IL19: variants seen among roughly 807,000 people sequenced by gnomAD.
IL19 encodes the protein interleukin 19.
Under a neutral mutation model 19.5 loss-of-function variants are expected in IL19, and 15 were observed. The observed-to-expected ratio is 0.77, with a 90% confidence interval of 0.52 to 1.19. IL19 has a LOEUF of 1.19. Ranked by LOEUF, IL19 falls within the 50% of genes most tolerant of loss-of-function variation. The pLI is 0.00. For synonymous variants in IL19, 78 were observed against 78.3 expected (o/e 1.00, Z 0.02); for missense variants, 199 against 213.1 (o/e 0.93, Z 0.41).
chr1:206,814,690 TCACACACACA>T (rs34474731), intron 2 of IL19, among the ~76,000 whole-genome samples: 15 of 140,568 alleles, frequency 1.1e-4, no homozygotes, highest in African/African-American at 2.7e-4. Context: ...TGAAACTCTG[TCACACACACA>T]CACACACACA....
At chr1:206,840,395 T>G (rs757105737) in intron 5 of IL19, 7 of 320,160 alleles carry the variant, frequency 2.2e-5, no homozygotes, top group Non-Finnish European at 3.6e-5. Context: ...AAAGGTTACT[T>G]AGAAATTCAT....
intron 1 of IL19, among the ~76,000 whole-genome samples, chr1:206,795,880 T>G (rs1675509099): frequency 1.3e-5 from 2 of 152,060 alleles, no homozygotes; most frequent in African/African-American, 4.8e-5. Flanking sequence ...TCAGTTCATT[T>G]TTGTATGAGG....
At chr1:206,793,642 G>A (rs1572551114) in intron 1 of IL19, among the ~76,000 whole-genome samples, 1 of 152,198 alleles carries the variant, frequency 6.6e-6, no homozygotes, top group African/African-American at 2.4e-5. Context: ...AGTCCAGAAA[G>A]GTTGGGCCTT....
chr1:206,815,681 C>T (rs1676137364), intron 2 of IL19, among the ~76,000 whole-genome samples: 1 of 151,986 alleles, frequency 6.6e-6, no homozygotes, highest in South Asian at 2.1e-4. Context: ...GAAAATGACA[C>T]CAAGCAAGTC....
intron 5 of IL19, chr1:206,840,362 G>C (rs1676967492): frequency 2.7e-6 from 1 of 376,294 alleles, no homozygotes; most frequent in Non-Finnish European, 5.1e-6. Context: ...CCTCTGGGTA[G>C]TTCCTTGGTA....
chr1:206,784,105 A>C (rs1675209509), intron 1 of IL19, among the ~76,000 whole-genome samples: 1 of 152,212 alleles, frequency 6.6e-6, no homozygotes, highest in Non-Finnish European at 1.5e-5. Context: ...TCAGTCTCAT[A>C]GTAGAAAGAC....
chr1:206,809,490 T>A (rs1675944117), intron 2 of IL19, among the ~76,000 whole-genome samples: 1 of 152,198 alleles, frequency 6.6e-6, no homozygotes. Flanking sequence ...AATATTTCTC[T>A]GCCCAGCCCA....
chr1:206,824,645 A>G (rs1676385280), intron 2 of IL19, among the ~76,000 whole-genome samples: 5 of 152,338 alleles, frequency 3.3e-5, no homozygotes, highest in Non-Finnish European at 2.9e-5. Context: ...TAGTAAGAGT[A>G]GGGGAGGAAT....
chr1:206,794,444 G>A (rs1219417806), intron 1 of IL19, among the ~76,000 whole-genome samples: 2 of 151,992 alleles, frequency 1.3e-5, no homozygotes, highest in Non-Finnish European at 2.9e-5. Context: ...ATGACCCCGT[G>A]TCCCTCCTTT....
chr1:206,837,146 C>A, intron 4 of IL19, 123 bp downstream of exon 4: 3 of 760,848 alleles, frequency 3.9e-6, no homozygotes, highest in Non-Finnish European at 4.3e-6. Flanking sequence ...TCTAAATGCA[C>A]CAGGCTTCTT....
intron 2 of IL19, among the ~76,000 whole-genome samples, chr1:206,827,937 A>G (rs1676483330): frequency 1.3e-5 from 2 of 152,226 alleles, no homozygotes; most frequent in African/African-American, 4.8e-5. Context: ...GGACACAAAA[A>G]TAGTATTGAC....
intron 2 of IL19, among the ~76,000 whole-genome samples, chr1:206,829,622 C>A (rs778107772): frequency 6.6e-6 from 1 of 151,974 alleles, no homozygotes; most frequent in Admixed American, 6.5e-5. Flanking sequence ...GGCCCCAGGG[C>A]GTTATGCTGG....
intron 1 of IL19, among the ~76,000 whole-genome samples, chr1:206,789,180 A>C (rs1572549045): frequency 6.6e-6 from 1 of 152,312 alleles, no homozygotes; most frequent in East Asian, 1.9e-4. Flanking sequence ...CATTCCATGA[A>C]GGTTGCTCTG....
At chr1:206,813,223 T>C (rs1676063619) in intron 2 of IL19, among the ~76,000 whole-genome samples, 1 of 152,226 alleles carries the variant, frequency 6.6e-6, no homozygotes, top group Non-Finnish European at 1.5e-5. Context: ...CATTGCCAGT[T>C]GGCTCTGCCA....
intron 1 of IL19, among the ~76,000 whole-genome samples, chr1:206,798,096 G>C (rs1275510760): frequency 2.0e-5 from 3 of 152,180 alleles, no homozygotes; most frequent in African/African-American, 4.8e-5. Flanking sequence ...TGTAGGTCAT[G>C]GGGACAGATG....
intron 1 of IL19, among the ~76,000 whole-genome samples, chr1:206,779,346 A>T (rs1363256857): frequency 1.3e-5 from 2 of 152,112 alleles, no homozygotes; most frequent in African/African-American, 4.8e-5. Flanking sequence ...TTGTTTGATC[A>T]CCAATAAATA....
At chr1:206,842,384 T>G (rs1001585935) in intron 6 of IL19, 143 bp from the exon 7 acceptor site, 2 of 552,096 alleles carry the variant, frequency 3.6e-6, no homozygotes, top group Non-Finnish European at 3.2e-6. Flanking sequence ...TAATATTGAG[T>G]CTGTATGTTA....
chr1:206,841,456 C>A (rs1007372472), intron 6 of IL19, among the ~76,000 whole-genome samples: 20 of 152,192 alleles, frequency 1.3e-4, no homozygotes, highest in African/African-American at 3.9e-4. Context: ...TACCTGCCCC[C>A]CCATATTGTG....
chr1:206,809,499 C>T (rs1158447009), intron 2 of IL19, among the ~76,000 whole-genome samples: 1 of 152,160 alleles, frequency 6.6e-6, no homozygotes, highest in African/African-American at 2.4e-5. Context: ...CTGCCCAGCC[C>T]ACAGTTCTGG....
Sources: allele counts gnomAD v4.1 joint callset (sites outside exome capture counted in the v4.1 genomes callset), GRCh38; gene constraint gnomAD v4.1.1; transcripts MANE v1.5; gene names NCBI Gene and HGNC (gene_info 2026-07-23, HGNC 2026-07-21).